Variants in ZNF236 observed in about 807,000 individuals in gnomAD.
ZNF236 encodes the protein regulated by glucose.
A neutral mutation model predicts 191.2 loss-of-function variants in ZNF236; 50 were observed. That is an observed-to-expected ratio of 0.26 (90% CI 0.21 to 0.33). ZNF236 has a LOEUF of 0.33. Ranked by LOEUF, ZNF236 falls within the 10% of genes least tolerant of loss-of-function variation. The probability of loss-of-function intolerance (pLI) is 1.00; values close to 1 mark genes in which losing one functional copy is unlikely to be tolerated. For synonymous variants in ZNF236, 907 were observed against 928.8 expected (o/e 0.98, Z 0.43); for missense variants, 1,754 against 2,374.5 (o/e 0.74, Z 5.43).
chr18:76,895,686 C>T (rs745353164), intron 10 of ZNF236, among the ~76,000 whole-genome samples: 190 of 151,892 alleles, frequency 1.3e-3, no homozygotes, highest in Non-Finnish European at 2.1e-3. Context: ...GCACACAGTA[C>T]CCCACATAGT....
intron 26 of ZNF236, among the ~76,000 whole-genome samples, chr18:76,946,549 C>T (rs938736628): frequency 1.3e-5 from 2 of 152,230 alleles, no homozygotes; most frequent in African/African-American, 4.8e-5. Context: ...AGCCATGCTT[C>T]CTGTGGTCAG....
At chr18:76,958,708 A>C (rs1968586543) in intron 28 of ZNF236, among the ~76,000 whole-genome samples, 1 of 152,170 alleles carries the variant, frequency 6.6e-6, no homozygotes, top group African/African-American at 2.4e-5. Flanking sequence ...TGGTGGTGTC[A>C]CTGGTCAGGC....
intron 7 of ZNF236, among the ~76,000 whole-genome samples, chr18:76,879,505 T>G (rs1324106020): frequency 6.6e-6 from 1 of 152,212 alleles, no homozygotes; most frequent in African/African-American, 2.4e-5. Context: ...TCAACGGGTT[T>G]TGACAAAGGT....
chr18:76,879,614 G>C (rs1171715237), intron 7 of ZNF236, among the ~76,000 whole-genome samples: 1 of 152,066 alleles, frequency 6.6e-6, no homozygotes, highest in Non-Finnish European at 1.5e-5. Flanking sequence ...GCCCTGCAGG[G>C]GTGGGACTGG....
chr18:76,937,004 A>T, intron 25 of ZNF236, 152 bp from the exon 26 acceptor site: 1 of 604,502 alleles, frequency 1.7e-6, no homozygotes, highest in Non-Finnish European at 2.9e-6. Context: ...TCCTAAAATT[A>T]GAATTGAAGA....
chr18:76,839,595 A>G (rs921501942), intron 1 of ZNF236, among the ~76,000 whole-genome samples: 2 of 152,160 alleles, frequency 1.3e-5, no homozygotes, highest in African/African-American at 4.8e-5. Flanking sequence ...CTTGGCAGGA[A>G]TGAGACTCAC....
intron 26 of ZNF236, among the ~76,000 whole-genome samples, chr18:76,945,333 A>G (rs1416283125): frequency 6.6e-6 from 1 of 152,248 alleles, no homozygotes; most frequent in Non-Finnish European, 1.5e-5. Flanking sequence ...GTCCAGGTTG[A>G]TTAATACAGT....
intron 17 of ZNF236, among the ~76,000 whole-genome samples, chr18:76,912,697 G>A (rs925305779): frequency 2.0e-5 from 3 of 152,150 alleles, no homozygotes; most frequent in Non-Finnish European, 2.9e-5. Flanking sequence ...CTCTTCATGT[G>A]CTTTACATAT....
intron 1 of ZNF236, among the ~76,000 whole-genome samples, chr18:76,829,510 T>G (rs1975108764): frequency 6.6e-6 from 1 of 152,166 alleles, no homozygotes; most frequent in African/African-American, 2.4e-5. Context: ...GTATTTTTTG[T>G]AGAGATGGGG....
chr18:76,933,375 CAGG>C (rs1247044083), intron 25 of ZNF236, among the ~76,000 whole-genome samples: 4 of 151,742 alleles, frequency 2.6e-5, no homozygotes, highest in Non-Finnish European at 5.9e-5. Context: ...GAGGCTGAGG[CAGG>C]AGAATCGCCT....
intron 3 of ZNF236, among the ~76,000 whole-genome samples, chr18:76,859,492 G>A (rs766915368): frequency 3.5e-4 from 53 of 152,084 alleles, no homozygotes; most frequent in African/African-American, 1.0e-3. Flanking sequence ...AGACCAACCC[G>A]GGTGTGTTGG....
intron 21 of ZNF236, 60 bp downstream of exon 21, chr18:76,923,234 G>A: frequency 5.9e-6 from 7 of 1,194,218 alleles, no homozygotes; most frequent in Middle Eastern, 3.8e-4. Context: ...CGTATGTTTT[G>A]TTCCTATATA....
intron 25 of ZNF236, among the ~76,000 whole-genome samples, chr18:76,929,661 A>T (rs1179371439): frequency 4.6e-5 from 7 of 152,252 alleles, no homozygotes; most frequent in Non-Finnish European, 8.8e-5. Context: ...AGAAAACCTT[A>T]AATGAGTTAA....
intron 25 of ZNF236, among the ~76,000 whole-genome samples, chr18:76,935,081 A>T (rs561440672): frequency 1.1e-4 from 17 of 152,372 alleles, no homozygotes; most frequent in Admixed American, 2.6e-4. Context: ...TCAGCATGGG[A>T]TCTTCATTTT....
rs1218936953 is a variant in ZNF236, at chr18:76,919,816, T to C, written c.3315T>C (p.Asn1105=). The C allele has an allele frequency of 1.9e-6, 3 of 1,614,104 alleles. No individual in the cohort carries two copies. The African/African-American group carries it at 4.0e-5, about 22-fold the overall frequency. The change falls in exon 20 of 31, where the codon AAT becomes AAC. Residue 1105 remains asparagine, a synonymous_variant. Coordinates refer to ENST00000320610, the MANE Select transcript of ZNF236 (RefSeq NM_001306089.2). This position sits in a 1 kb window ranked among gnomAD's most constrained non-coding sequence, Gnocchi z 5.3. The stretch of plus-strand genomic sequence containing the variant: ...AAGAGGAAGAACATTCTGACAGAAA[T>C]GCATCACGGAAGTCTCGTCCTGAGG... ...MEEEEEHSDR[N]ASRKSRPEVI... is the part of the protein sequence containing the mutation.
intron 11 of ZNF236, among the ~76,000 whole-genome samples, chr18:76,903,000 G>C (rs1247921482): frequency 6.6e-6 from 1 of 152,186 alleles, no homozygotes; most frequent in Non-Finnish European, 1.5e-5. Flanking sequence ...ATACAGCTCT[G>C]ATTGTCCAGA....
At chr18:76,953,900 C>T (rs1968465793) in intron 27 of ZNF236, among the ~76,000 whole-genome samples, 1 of 152,182 alleles carries the variant, frequency 6.6e-6, no homozygotes, top group Non-Finnish European at 1.5e-5. Flanking sequence ...TTTCCAACAG[C>T]CACACTCCTC....
At chr18:76,889,763 G>T (rs147096310) in intron 9 of ZNF236, among the ~76,000 whole-genome samples, 1 of 152,310 alleles carries the variant, frequency 6.6e-6, no homozygotes, top group East Asian at 1.9e-4. Flanking sequence ...ACACAGTGGT[G>T]TCCACAGAAC....
chr18:76,928,234 G>A (rs1349697048), intron 25 of ZNF236, 128 bp downstream of exon 25: 2 of 690,180 alleles, frequency 2.9e-6, no homozygotes, highest in Non-Finnish European at 4.2e-6. Flanking sequence ...ATAATTTATG[G>A]GAGAAATTGA....
Sources: gnomAD v4.1 joint callset for allele counts (sites outside exome capture counted in the v4.1 genomes callset) on GRCh38, gnomAD v4.1.1 for gene constraint, Gnocchi (gnomAD v3.1) non-coding constraint, MANE v1.5 for transcripts, NCBI Gene and HGNC (gene_info 2026-07-23, HGNC 2026-07-21) for gene names.